TRIP4: variants seen among roughly 807,000 people sequenced by gnomAD.
The protein encoded by TRIP4 is thyroid hormone receptor interactor 4.
A neutral mutation model predicts 81.8 loss-of-function variants in TRIP4; 54 were observed. That is an observed-to-expected ratio of 0.66 (90% confidence interval 0.53 to 0.83). TRIP4 has a LOEUF of 0.83. TRIP4 is among the 40% of genes least tolerant of loss of function. The probability of loss-of-function intolerance (pLI) is 0.00; values close to 1 mark genes in which losing one functional copy is unlikely to be tolerated. For synonymous variants in TRIP4, 270 were observed against 242.8 expected, an observed-to-expected ratio of 1.11 and a Z score of -1.04; for missense variants, 662 against 683.6, an observed-to-expected ratio of 0.97 and a Z score of 0.35.
intron 5 of TRIP4, among the ~76,000 whole-genome samples, chr15:64,402,018 G>GA (rs1002467210): frequency 6.6e-6 from 1 of 151,922 alleles, no homozygotes; most frequent in Non-Finnish European, 1.5e-5. Flanking sequence ...ACATTAATGG[G>GA]AAAAAAATGT....
chr15:64,451,632 C>CA (rs1328179763), intron 12 of TRIP4, among the ~76,000 whole-genome samples: 1 of 151,404 alleles, frequency 6.6e-6, no homozygotes, highest in Non-Finnish European at 1.5e-5. Context: ...CCACCATACC[C>CA]GGCTAATTTT....
intron 3 of TRIP4, among the ~76,000 whole-genome samples, chr15:64,397,016 T>G (rs1304865700): frequency 6.6e-6 from 1 of 152,248 alleles, no homozygotes; most frequent in African/African-American, 2.4e-5. Context: ...CACTTTTTCA[T>G]ATGCCTGTTA....
At chr15:64,443,861 A>C (rs143798903) in intron 11 of TRIP4, among the ~76,000 whole-genome samples, 14 of 152,278 alleles carry the variant, frequency 9.2e-5, no homozygotes, top group African/African-American at 2.9e-4. Context: ...ATCTTTAAAA[A>C]AAAACAAAAC....
intron 5 of TRIP4, among the ~76,000 whole-genome samples, chr15:64,403,264 C>G (rs928914539): frequency 6.6e-6 from 1 of 152,176 alleles, no homozygotes; most frequent in Non-Finnish European, 1.5e-5. Context: ...TCAAGCGATT[C>G]TCCTGCCTCA....
At position 64,431,847 on chromosome 15, in the gene TRIP4, A is replaced by ATATATATATATTT; in HGVS notation, c.1575+6217_1575+6218insATATATATATTTT. Among the ~76,000 whole-genome samples, 204 of 119,550 alleles carry ATATATATATATTT rather than the reference A, an allele frequency of 1.7e-3. 2 individuals are homozygous for ATATATATATATTT. Among genetic ancestry groups the ATATATATATATTT allele is most frequent in the Middle Eastern group, 4.6e-3 (1 of 218 alleles). The allele number at this position is 119,550 out of a possible 152,430, so 78.4% of individuals were successfully genotyped here. On this transcript the variant is annotated intron_variant, in intron 11 of 12. Transcript: ENST00000261884. Reference sequence around the variant, plus strand: ...CCATTTATATTATATATATATATATATTTTTTTTATCCAAAGAGCATTGTG... The same window carrying ATATATATATATTT: ...CCATTTATATTATATATATATATATATATATATATATTTTTTTTTTTATCCAAAGAGCATTGTG...
chr15:64,389,474 TA>T (rs1461935760), intron 1 of TRIP4, among the ~76,000 whole-genome samples: 2 of 151,678 alleles, frequency 1.3e-5, no homozygotes, highest in Non-Finnish European at 2.9e-5. Context: ...TCTACAGAAA[TA>T]AAAAAAGTAA....
intron 12 of TRIP4, among the ~76,000 whole-genome samples, chr15:64,450,122 A>G (rs1234794691): frequency 6.6e-6 from 1 of 151,460 alleles, no homozygotes; most frequent in African/African-American, 2.4e-5. Flanking sequence ...GGCTGGGCGC[A>G]GTGGCTCACG....
rs760591613 is a variant in TRIP4 at position 64,424,373 on chromosome 15, A to G, written c.1483+218A>G. ...AAAATATCAATTTCCAACACAAGAAATCAACTAGTCTTAATTTTTTTATCT... is the reference window on the plus strand; with the variant it reads ...AAAATATCAATTTCCAACACAAGAAGTCAACTAGTCTTAATTTTTTTATCT... On this transcript the variant is annotated intron_variant, in intron 10 of 12. Transcript: ENST00000261884. The G allele has an allele frequency of 1.4e-4, 78 of 542,930 alleles. No homozygotes were observed. In the Middle Eastern group the frequency reaches 2.2e-3, roughly 15 times the overall value. 33.6% of individuals were successfully genotyped at this position (542,930 alleles called of 1,614,324 possible).
chr15:64,397,100 C>A (rs1385316919), intron 3 of TRIP4, among the ~76,000 whole-genome samples: 1 of 152,166 alleles, frequency 6.6e-6, no homozygotes, highest in East Asian at 1.9e-4. Flanking sequence ...GATAGGATCT[C>A]GCTCTGTTGC....
chr15:64,446,153 A>T (rs1020946882), intron 12 of TRIP4, among the ~76,000 whole-genome samples: 1 of 151,946 alleles, frequency 6.6e-6, no homozygotes, highest in Admixed American at 6.6e-5. Flanking sequence ...GGGCACCTGT[A>T]ATCCCAGCTA....
chr15:64,416,564 A>T (rs538861036), intron 8 of TRIP4, among the ~76,000 whole-genome samples: 21 of 152,174 alleles, frequency 1.4e-4, no homozygotes, highest in Admixed American at 7.2e-4. Context: ...CTCAAAAAAA[A>T]TTTTTTTTAA....
At chr15:64,445,218 G>T in intron 12 of TRIP4, 110 bp downstream of exon 12, 6 of 568,224 alleles carry the variant, frequency 1.1e-5, no homozygotes, top group Non-Finnish European at 1.9e-5. Context: ...AATCAGTTGA[G>T]GTAACCCACT....
intron 1 of TRIP4, among the ~76,000 whole-genome samples, chr15:64,390,688 C>T (rs568906575): frequency 2.7e-5 from 4 of 150,824 alleles, no homozygotes; most frequent in South Asian, 4.2e-4. Context: ...GTCAGGAGTT[C>T]GAGACCAGCC....
chr15:64,453,781 T>G (rs1198197070), intron 12 of TRIP4, among the ~76,000 whole-genome samples: 1 of 152,196 alleles, frequency 6.6e-6, no homozygotes, highest in Non-Finnish European at 1.5e-5. Context: ...CAGACTAATG[T>G]TGGGCAAGAG....
chr15:64,432,817 A>T (rs989687366), intron 11 of TRIP4, among the ~76,000 whole-genome samples: 7 of 151,956 alleles, frequency 4.6e-5, no homozygotes, highest in Non-Finnish European at 8.8e-5. Context: ...AGGCTGAGGC[A>T]GGAGAATCTC....
intron 3 of TRIP4, among the ~76,000 whole-genome samples, chr15:64,396,761 A>G (rs973229080): frequency 1.3e-5 from 2 of 152,176 alleles, no homozygotes; most frequent in African/African-American, 2.4e-5. Context: ...TGGTGAACAT[A>G]TTTACACATT....
intron 7 of TRIP4, among the ~76,000 whole-genome samples, chr15:64,410,677 G>A (rs868547305): frequency 3.3e-5 from 5 of 152,088 alleles, no homozygotes; most frequent in Non-Finnish European, 7.4e-5. Flanking sequence ...TAGTCTTGGT[G>A]TGATAAAGCT....
intron 11 of TRIP4, among the ~76,000 whole-genome samples, chr15:64,433,778 T>C (rs978299964): frequency 6.6e-6 from 1 of 152,130 alleles, no homozygotes; most frequent in Non-Finnish European, 1.5e-5. Flanking sequence ...GGCAAACCAG[T>C]TCATTGAAAG....
rs529194840 is a variant in TRIP4, at chr15:64,446,605, T to C, written c.1678+1497T>C. ...TTTTAGTAGAGATGGGGTTTCACCATATTGGCCAGGCTGGTCTCGAACTCC... is the reference window on the plus strand; with the variant it reads ...TTTTAGTAGAGATGGGGTTTCACCACATTGGCCAGGCTGGTCTCGAACTCC... On this transcript the variant is annotated intron_variant, in intron 12 of 12. Transcript: ENST00000261884. Among the ~76,000 whole-genome samples, 16 of 151,158 alleles carry C rather than the reference T, an allele frequency of 1.1e-4. No individual in the cohort carries two copies. In the South Asian group the frequency reaches 3.4e-3, roughly 32 times the overall value.
Sources: allele counts gnomAD v4.1 joint callset (sites outside exome capture counted in the v4.1 genomes callset), GRCh38; gene constraint gnomAD v4.1.1; transcripts MANE v1.5; gene names NCBI Gene and HGNC (gene_info 2026-07-23, HGNC 2026-07-21).